Variants in SGCD observed in about 807,000 individuals in gnomAD.
SGCD encodes delta-sarcoglycan.
Under a neutral mutation model 36.6 loss-of-function variants are expected in SGCD, and 18 were observed. The observed-to-expected ratio is 0.49, with a 90% CI of 0.34 to 0.73. SGCD has a LOEUF of 0.73. Among genes scored for constraint, SGCD ranks in the 30% least tolerant of loss-of-function variants. The pLI is 0.01. For missense variants in SGCD, 387 were observed against 346.7 expected (o/e 1.12, Z -0.92); for synonymous variants, 133 against 130.6 (o/e 1.02, Z -0.12).
rs149160215 is a variant in SGCD at position 155,923,229 on chromosome 5, T to C, written c.-282+52805T>C. 5.6e-4 allele frequency among the ~76,000 whole-genome samples: 84 copies of C among 150,076 alleles called. 1 individual carries two copies. The East Asian group carries it at 0.014, about 25-fold the overall frequency. ...TGTATGTTACATAATACATGAATAATACATGAATAAACTAATACATGTATA... is the reference window on the plus strand; with the variant it reads ...TGTATGTTACATAATACATGAATAACACATGAATAAACTAATACATGTATA... On this transcript the variant is annotated intron_variant, in intron 1 of 9. Coordinates refer to the SGCD transcript ENST00000517913.
intron 4 of SGCD, among the ~76,000 whole-genome samples, chr5:156,521,517 C>A (rs1757404217): frequency 1.3e-5 from 2 of 152,010 alleles, no homozygotes; most frequent in South Asian, 2.1e-4. Context: ...AGAAATAAAA[C>A]ACATTATAAA....
intron 1 of SGCD, among the ~76,000 whole-genome samples, chr5:155,890,450 C>A (rs561979089): frequency 6.6e-5 from 10 of 152,042 alleles, no homozygotes; most frequent in African/African-American, 1.2e-4. Flanking sequence ...CATGGTGGAA[C>A]CTTACCTCTA....
intron 3 of SGCD, among the ~76,000 whole-genome samples, chr5:156,154,385 G>T (rs950233359): frequency 6.6e-6 from 1 of 151,666 alleles, no homozygotes; most frequent in Non-Finnish European, 1.5e-5. Flanking sequence ...ACTAAGTGTT[G>T]TCTGTGGACT....
intron 7 of SGCD, among the ~76,000 whole-genome samples, chr5:156,725,688 G>A (rs1755738382): frequency 6.6e-6 from 1 of 152,144 alleles, no homozygotes; most frequent in African/African-American, 2.4e-5. Flanking sequence ...AAAATATCCT[G>A]CCAGCCCATT....
At chr5:155,965,966 G>GA (rs968650291) in intron 1 of SGCD, among the ~76,000 whole-genome samples, 11 of 151,788 alleles carry the variant, frequency 7.2e-5, no homozygotes, top group African/African-American at 2.2e-4. Flanking sequence ...AGGACTTGAG[G>GA]AAAAAAAATT....
intron 4 of SGCD, among the ~76,000 whole-genome samples, chr5:156,528,314 G>T (rs1408673375): frequency 1.3e-5 from 2 of 152,130 alleles, no homozygotes; most frequent in Admixed American, 6.5e-5. Context: ...TTTATGTAAA[G>T]CTTATGGAAT....
chr5:156,621,931 A>G (rs1207668043), intron 6 of SGCD, among the ~76,000 whole-genome samples: 2 of 152,192 alleles, frequency 1.3e-5, no homozygotes, highest in African/African-American at 4.8e-5. Context: ...CACTTCATGT[A>G]TGAGAAAACT....
At chr5:156,246,376 G>T (rs939905411) in intron 3 of SGCD, among the ~76,000 whole-genome samples, 1 of 152,006 alleles carries the variant, frequency 6.6e-6, no homozygotes, top group African/African-American at 2.4e-5. Context: ...GCTTAAAACA[G>T]TAAAATTCTA....
intron 1 of SGCD, among the ~76,000 whole-genome samples, chr5:155,955,757 G>GTTATA (rs10686405): frequency 0.21 from 31,337 of 151,800 alleles, 3,732 homozygotes; most frequent in Admixed American, 0.38. Flanking sequence ...CAAAATAGTT[G>GTTATA]TTAGAGTAAC....
chr5:156,274,364 C>T (rs559416890), intron 3 of SGCD, among the ~76,000 whole-genome samples: 1 of 152,172 alleles, frequency 6.6e-6, no homozygotes, highest in South Asian at 2.1e-4. Context: ...ATTTCTCAGT[C>T]TGAGTGGCTG....
chr5:156,682,443 CTT>C (rs959235670), intron 7 of SGCD, among the ~76,000 whole-genome samples: 1 of 152,148 alleles, frequency 6.6e-6, no homozygotes, highest in African/African-American at 2.4e-5. Flanking sequence ...TGGAAAAAAA[CTT>C]TTAGGCTAAG....
intron 3 of SGCD, among the ~76,000 whole-genome samples, chr5:156,210,847 C>T (rs955353765): frequency 4.0e-5 from 6 of 151,858 alleles, no homozygotes; most frequent in Non-Finnish European, 5.9e-5. Context: ...GTGCAAGTTA[C>T]AGGAGTTCCA....
At chr5:155,828,563 GA>G in the SGCD span, among the ~76,000 whole-genome samples, 3 of 152,162 alleles carry the variant, frequency 2.0e-5, no homozygotes, top group Non-Finnish European at 4.4e-5. Flanking sequence ...AGGTCACCTT[GA>G]AGCCAGCTGA....
At chr5:156,579,539 G>A (rs1457232511) in intron 4 of SGCD, among the ~76,000 whole-genome samples, 4 of 152,068 alleles carry the variant, frequency 2.6e-5, no homozygotes, top group Non-Finnish European at 4.4e-5. Flanking sequence ...ATTATTGTGT[G>A]GGAGTCTAAT....
At chr5:155,809,213 A>G in the SGCD span, among the ~76,000 whole-genome samples, 1 of 152,208 alleles carries the variant, frequency 6.6e-6, no homozygotes, top group Admixed American at 6.5e-5. Flanking sequence ...TTCTCAAGAA[A>G]TCCACCGACT....
At chr5:156,327,716 A>G (rs1400731142) in intron 1 of SGCD, among the ~76,000 whole-genome samples, 1 of 152,208 alleles carries the variant, frequency 6.6e-6, no homozygotes, top group Non-Finnish European at 1.5e-5. Context: ...TGAAGTTTCT[A>G]CGTTGGATGA....
chr5:156,607,913 G>A (rs529386272), intron 6 of SGCD, among the ~76,000 whole-genome samples: 2 of 152,014 alleles, frequency 1.3e-5, no homozygotes, highest in East Asian at 1.9e-4. Context: ...ATTTTTTATT[G>A]CGTCTATTTG....
chr5:156,219,436 C>T (rs1764661983), intron 3 of SGCD, among the ~76,000 whole-genome samples: 1 of 151,968 alleles, frequency 6.6e-6, no homozygotes, highest in African/African-American at 2.4e-5. Flanking sequence ...TCTTGTCGGA[C>T]ATAGTAGGTC....
At chr5:156,519,273 A>C (rs1757308971) in intron 4 of SGCD, among the ~76,000 whole-genome samples, 1 of 152,152 alleles carries the variant, frequency 6.6e-6, no homozygotes, top group South Asian at 2.1e-4. Context: ...CCCTTCCCAG[A>C]CTGAATGAGG....
Sources: allele counts gnomAD v4.1 joint callset (sites outside exome capture counted in the v4.1 genomes callset), GRCh38; gene constraint gnomAD v4.1.1; transcripts MANE v1.5; gene names NCBI Gene and HGNC (gene_info 2026-07-23, HGNC 2026-07-21).